The following PHF24 variants were observed in gnomAD, a reference collection of about 807,000 sequenced individuals.
PHF24 encodes the protein Galpha inhibitory interacting protein.
Under a neutral mutation model 42.6 loss-of-function variants are expected in PHF24, and 25 were observed. The observed-to-expected ratio is 0.59, with a 90% confidence interval of 0.43 to 0.82. PHF24 has a LOEUF of 0.82. PHF24 is among the 40% of genes least tolerant of loss of function. PHF24 has a pLI of 0.00. For synonymous variants in PHF24, 185 were observed against 204.8 expected (o/e 0.90, Z 0.83); for missense variants, 470 against 538.1 (o/e 0.87, Z 1.25).
At chr9:34,888,552 T>C in the PHF24 span, among the ~76,000 whole-genome samples, 5 of 152,190 alleles carry the variant, frequency 3.3e-5, no homozygotes, top group Non-Finnish European at 7.3e-5. Flanking sequence ...GGGTTACCCT[T>C]AAAGATCTCA....
the PHF24 span, among the ~76,000 whole-genome samples, chr9:34,765,277 T>C: frequency 1.3e-5 from 2 of 151,892 alleles, no homozygotes; most frequent in Admixed American, 6.6e-5. Context: ...GTCCCGTTGA[T>C]CTGTCTAATG....
the PHF24 span, among the ~76,000 whole-genome samples, chr9:34,750,239 C>T: frequency 2.0e-5 from 3 of 151,942 alleles, no homozygotes; most frequent in Non-Finnish European, 1.5e-5. Flanking sequence ...GAAATAGAAA[C>T]AACAACAAAG....
chr9:34,767,050 G>C, the PHF24 span, among the ~76,000 whole-genome samples: 2 of 152,284 alleles, frequency 1.3e-5, no homozygotes, highest in South Asian at 2.1e-4. Flanking sequence ...CTGTCTGATC[G>C]TTCCTCTGGA....
chr9:34,891,957 G>T, the PHF24 span, among the ~76,000 whole-genome samples: 1 of 152,196 alleles, frequency 6.6e-6, no homozygotes, highest in Non-Finnish European at 1.5e-5. Context: ...TGGGGGAAAA[G>T]GTGGGGAAGG....
the PHF24 span, among the ~76,000 whole-genome samples, chr9:34,830,127 G>C: frequency 6.6e-6 from 1 of 152,276 alleles, no homozygotes; most frequent in African/African-American, 2.4e-5. Flanking sequence ...TAAGTAACTT[G>C]TCAAATCTCT....
At chr9:34,811,727 C>T in the PHF24 span, among the ~76,000 whole-genome samples, 1 of 152,112 alleles carries the variant, frequency 6.6e-6, no homozygotes. Context: ...ATATTTATCG[C>T]CTTGGATTTG....
chr9:34,754,457 A>T, the PHF24 span, among the ~76,000 whole-genome samples: 1 of 152,134 alleles, frequency 6.6e-6, no homozygotes, highest in African/African-American at 2.4e-5. Context: ...ATAAATGAAA[A>T]CCTATCTGAA....
chr9:34,847,349 T>C, the PHF24 span, among the ~76,000 whole-genome samples: 328 of 152,336 alleles, frequency 2.2e-3, 2 homozygotes, highest in Non-Finnish European at 2.9e-3. Context: ...GGTATTTTAT[T>C]CTCTTTGAAG....
At chr9:34,908,640 T>A in the PHF24 span, among the ~76,000 whole-genome samples, 1 of 151,814 alleles carries the variant, frequency 6.6e-6, no homozygotes, top group Non-Finnish European at 1.5e-5. Flanking sequence ...ACAGGAAACA[T>A]CTATAGGGAG....
At chr9:34,861,149 A>G in the PHF24 span, among the ~76,000 whole-genome samples, 1 of 152,200 alleles carries the variant, frequency 6.6e-6, no homozygotes, top group African/African-American at 2.4e-5. Context: ...TCTCTGGCCA[A>G]ATGGTAACAG....
chr9:34,835,934 A>G, the PHF24 span: 1 of 757,472 alleles, frequency 1.3e-6, no homozygotes, highest in Admixed American at 2.0e-5. Flanking sequence ...GGGGAGATCT[A>G]GTCATTCTCA....
At chr9:34,723,153 A>T in the PHF24 span, 3 of 1,461,572 alleles carry the variant, frequency 2.1e-6, no homozygotes, top group African/African-American at 2.8e-5. Flanking sequence ...GCAGTTGGGG[A>T]GCCTATAAAC....
chr9:34,797,477 A>AATGGATTG, the PHF24 span, among the ~76,000 whole-genome samples: 1 of 152,214 alleles, frequency 6.6e-6, no homozygotes, highest in Non-Finnish European at 1.5e-5. Flanking sequence ...GCCAGAAGGG[A>AATGGATTG]ATGGATTGGG....
At chr9:34,861,436 T>C in the PHF24 span, among the ~76,000 whole-genome samples, 4 of 152,252 alleles carry the variant, frequency 2.6e-5, no homozygotes, top group South Asian at 8.3e-4. Flanking sequence ...AGAGCAAATT[T>C]CAATATTTTT....
the PHF24 span, among the ~76,000 whole-genome samples, chr9:34,913,800 C>T: frequency 3.3e-5 from 5 of 152,144 alleles, no homozygotes; most frequent in East Asian, 1.9e-4. Context: ...GCTTTCACTA[C>T]GGTACACTCA....
the PHF24 span, among the ~76,000 whole-genome samples, chr9:34,771,019 A>G: frequency 1.3e-5 from 2 of 152,196 alleles, no homozygotes; most frequent in African/African-American, 4.8e-5. Flanking sequence ...AGGCTGAGGC[A>G]GGAGAATCAC....
the PHF24 span, among the ~76,000 whole-genome samples, chr9:34,696,353 T>C: frequency 2.0e-5 from 3 of 152,040 alleles, no homozygotes; most frequent in African/African-American, 7.2e-5. Flanking sequence ...CCAGGCACGC[T>C]GGCGAGTGCC....
chr9:34,727,113 T>C, the PHF24 span: 1 of 1,426,732 alleles, frequency 7.0e-7, no homozygotes, highest in Non-Finnish European at 9.2e-7. Context: ...CATCTTGTTG[T>C]CTACCTGTCT....
chr9:34,883,978 G>A, the PHF24 span, among the ~76,000 whole-genome samples: 1 of 152,164 alleles, frequency 6.6e-6, no homozygotes, highest in Non-Finnish European at 1.5e-5. Context: ...ATGTCCATCA[G>A]TGATAGACTG....
Sources: allele counts gnomAD v4.1 joint callset (sites outside exome capture counted in the v4.1 genomes callset), GRCh38; gene constraint gnomAD v4.1.1; transcripts MANE v1.5; gene names NCBI Gene and HGNC (gene_info 2026-07-23, HGNC 2026-07-21).